Variants in ADAMTSL1 observed in about 807,000 individuals in gnomAD.
ADAMTSL1 encodes ADAMTS like 1.
A neutral mutation model predicts 201.8 loss-of-function variants in ADAMTSL1; 126 were observed. That is an observed-to-expected ratio of 0.62 (90% CI 0.54 to 0.72). ADAMTSL1 has a LOEUF of 0.72. ADAMTSL1 is among the 30% of genes least tolerant of loss of function. The pLI, the probability that ADAMTSL1 is intolerant of heterozygous loss-of-function variation, is 0.00. For missense variants in ADAMTSL1, 2,679 were observed against 2,277.8 expected, an observed-to-expected ratio of 1.18 and a Z score of -3.59; for synonymous variants, 1,121 against 903.4, an observed-to-expected ratio of 1.24 and a Z score of -4.32.
chr9:18,822,504 G>A (rs913208456), intron 21 of ADAMTSL1, among the ~76,000 whole-genome samples: 1 of 152,214 alleles, frequency 6.6e-6, no homozygotes, highest in African/African-American at 2.4e-5. Context: ...TTAAGATGGG[G>A]ACTGTTGGCA....
At chr9:17,946,270 A>T (rs559965534) in intron 1 of ADAMTSL1, among the ~76,000 whole-genome samples, 9 of 152,072 alleles carry the variant, frequency 5.9e-5, no homozygotes, top group African/African-American at 2.2e-4. Flanking sequence ...AAGTATTTGG[A>T]TTACAGGCTT....
chr9:18,765,539 G>T (rs968664954), intron 16 of ADAMTSL1, among the ~76,000 whole-genome samples: 4 of 152,116 alleles, frequency 2.6e-5, no homozygotes, highest in African/African-American at 9.7e-5. Flanking sequence ...AGAACTTATT[G>T]TAAAATGTCA....
intron 3 of ADAMTSL1, among the ~76,000 whole-genome samples, chr9:18,568,368 G>A (rs192217198): frequency 1.2e-3 from 185 of 152,228 alleles, no homozygotes; most frequent in Non-Finnish European, 2.3e-3. Flanking sequence ...TAAAAGATTC[G>A]AAAGCTTTAG....
At chr9:18,890,517 C>T in intron 25 of ADAMTSL1, 1 of 456,016 alleles carries the variant, frequency 2.2e-6, no homozygotes, top group Non-Finnish European at 4.4e-6. Flanking sequence ...GTAGGACTTT[C>T]ATACAATACT....
intron 15 of ADAMTSL1, among the ~76,000 whole-genome samples, chr9:18,732,750 A>G (rs1316861337): frequency 2.0e-5 from 3 of 152,222 alleles, no homozygotes; most frequent in Non-Finnish European, 1.5e-5. Flanking sequence ...GAAAAAAGGA[A>G]AAGCCACATC....
At chr9:18,561,339 G>A (rs1039737739) in intron 3 of ADAMTSL1, among the ~76,000 whole-genome samples, 3 of 152,178 alleles carry the variant, frequency 2.0e-5, no homozygotes, top group Admixed American at 2.0e-4. Flanking sequence ...TAGTTGTGCA[G>A]TTTTGAGTGA....
At chr9:18,779,460 T>C (rs1821255546) in intron 19 of ADAMTSL1, among the ~76,000 whole-genome samples, 1 of 152,192 alleles carries the variant, frequency 6.6e-6, no homozygotes, top group African/African-American at 2.4e-5. Flanking sequence ...TCCCTCAAGA[T>C]CGTAGGAACT....
At position 18,603,002 on chromosome 9, in the gene ADAMTSL1, C is replaced by T. The variant is rs117456447; in HGVS notation, c.475-19241C>T. Among the ~76,000 whole-genome samples, 314 of 152,170 alleles carry T rather than the reference C, an allele frequency of 2.1e-3. 6 individuals are homozygous for T. The East Asian group carries it at 0.056, about 27-fold the overall frequency. ...GTAAAAAATGAGGTAAATATTTTTA[C>T]GTAAAATGAGAGCTAAGTTTCTGAC... On this transcript the variant is annotated intron_variant, in intron 4 of 28. Coordinates refer to ENST00000380548, the MANE Select transcript of ADAMTSL1 (RefSeq NM_001040272.6).
In ADAMTSL1 at chr9:18,890,884, T is replaced by TGGAA. The variant is rs1554658996; in HGVS notation, c.4643+1136_4643+1137insGGAA. The TGGAA allele has an allele frequency of 1.2e-4, 35 of 287,392 alleles. No individual in the cohort carries two copies. In the East Asian group the frequency reaches 3.0e-3, roughly 24 times the overall value. The allele number at this position is 287,392 out of a possible 1,614,324, so 17.8% of individuals were successfully genotyped here. ...GAGATCTTTGATGTGCCAGGAACTT[T>TGGAA]CTGACTTGATTTGGTGATGGTCAGA... On this transcript the variant is annotated intron_variant, in intron 25 of 28. Transcript: ENST00000380548.
At chr9:18,014,337 T>G (rs1321144560) in intron 1 of ADAMTSL1, among the ~76,000 whole-genome samples, 1 of 152,034 alleles carries the variant, frequency 6.6e-6, no homozygotes, top group Non-Finnish European at 1.5e-5. Context: ...GGATTTATAG[T>G]CACATCGAAG....
At chr9:18,301,473 C>A (rs1055824687) in intron 2 of ADAMTSL1, among the ~76,000 whole-genome samples, 2 of 152,088 alleles carry the variant, frequency 1.3e-5, no homozygotes, top group Non-Finnish European at 2.9e-5. Flanking sequence ...TATATGTTTT[C>A]CCACTTTTAC....
intron 1 of ADAMTSL1, among the ~76,000 whole-genome samples, chr9:17,980,870 C>T (rs1588516461): frequency 6.6e-6 from 1 of 152,102 alleles, no homozygotes; most frequent in African/African-American, 2.4e-5. Flanking sequence ...CTGATAGGGG[C>T]TTCAGGCTTC....
intron 23 of ADAMTSL1, among the ~76,000 whole-genome samples, chr9:18,862,125 G>A (rs972021724): frequency 5.3e-5 from 8 of 152,258 alleles, no homozygotes; most frequent in African/African-American, 1.4e-4. Flanking sequence ...CCCGGGATAC[G>A]TGCTAGGAAT....
At chr9:18,790,354 C>T (rs1821952320) in intron 19 of ADAMTSL1, among the ~76,000 whole-genome samples, 1 of 152,192 alleles carries the variant, frequency 6.6e-6, no homozygotes, top group South Asian at 2.1e-4. Flanking sequence ...AAGGCAGCTC[C>T]TCATAGCTGG....
chr9:18,835,863 C>G (rs1437431567), intron 23 of ADAMTSL1, among the ~76,000 whole-genome samples: 1 of 152,038 alleles, frequency 6.6e-6, no homozygotes, highest in East Asian at 1.9e-4. Context: ...TGCATAGTAT[C>G]CTATGGTATA....
Position 18,721,596 on chromosome 9 carries a change from A to T in ADAMTSL1, c.1937A>T (p.Asn646Ile), listed in dbSNP as rs1334483036. ...CAGACTCGGGAGCCTGCTGAGGAGA[A>T]CCTGTGCGTGACCAGCCGCCGGCCC... The part of the protein sequence containing the change: ...NKQTREPAEE[N>I]LCVTSRRPPQ... The change falls in exon 15 of 29, where the codon AAC becomes ATC. Residue 646 changes from asparagine (N) to isoleucine (I), a missense_variant. Coordinates refer to ENST00000380548, the MANE Select transcript of ADAMTSL1 (RefSeq NM_001040272.6). The T allele has an allele frequency of 6.2e-7, 1 of 1,613,744 alleles. No individual in the cohort carries two copies. Among genetic ancestry groups the T allele is most frequent in the Non-Finnish European group, 8.5e-7 (1 of 1,179,860 alleles).
intron 2 of ADAMTSL1, among the ~76,000 whole-genome samples, chr9:18,507,782 T>C (rs1817775226): frequency 6.6e-6 from 1 of 152,218 alleles, no homozygotes; most frequent in Admixed American, 6.5e-5. Flanking sequence ...CAAAAGGGTC[T>C]GACAGCTTCT....
chr9:18,313,994 A>G (rs1171527094), intron 2 of ADAMTSL1, among the ~76,000 whole-genome samples: 3 of 152,166 alleles, frequency 2.0e-5, no homozygotes, highest in African/African-American at 7.2e-5. Flanking sequence ...AAAACACCAA[A>G]TGACCCAACT....
intron 2 of ADAMTSL1, among the ~76,000 whole-genome samples, chr9:18,329,750 A>T (rs149244999): frequency 8.8e-4 from 134 of 152,272 alleles, no homozygotes; most frequent in African/African-American, 3.2e-3. Context: ...GTATTCATCC[A>T]TCAAAGCATT....
Sources: allele counts gnomAD v4.1 joint callset (sites outside exome capture counted in the v4.1 genomes callset), GRCh38; gene constraint gnomAD v4.1.1; transcripts MANE v1.5; gene names NCBI Gene and HGNC (gene_info 2026-07-23, HGNC 2026-07-21).